TENM3: variants seen among roughly 807,000 people sequenced by gnomAD.
TENM3 encodes the protein teneurin-3.
In TENM3, 63 loss-of-function variants were observed where a neutral mutation model predicts 255.1. The ratio of observed to expected loss-of-function variants is 0.25; its 90% CI spans 0.20 to 0.30. The LOEUF is 0.30. Among genes scored for constraint, TENM3 ranks in the 10% least tolerant of loss-of-function variants. The pLI is 1.00. For missense variants in TENM3, 2,929 were observed against 3,461.1 expected (o/e 0.85, Z 3.86); for synonymous variants, 1,306 against 1,322.3 (o/e 0.99, Z 0.27).
the TENM3 span, among the ~76,000 whole-genome samples, chr4:181,544,425 A>C: frequency 6.1e-5 from 9 of 147,430 alleles, no homozygotes; most frequent in Middle Eastern, 3.5e-3. Flanking sequence ...AAAAAAAAAA[A>C]AAAAAAAAAA....
chr4:182,463,434 A>G (rs1732245890), intron 3 of TENM3, among the ~76,000 whole-genome samples: 1 of 151,906 alleles, frequency 6.6e-6, no homozygotes, highest in Non-Finnish European at 1.5e-5. Context: ...TCAGTAGGAA[A>G]GTGCAATGGG....
the TENM3 span, among the ~76,000 whole-genome samples, chr4:181,928,857 G>A: frequency 6.6e-6 from 1 of 152,164 alleles, no homozygotes; most frequent in Non-Finnish European, 1.5e-5. Flanking sequence ...CAAGCCAAAA[G>A]AGAGTGGGGG....
At chr4:182,436,632 G>C (rs1422018087) in intron 3 of TENM3, among the ~76,000 whole-genome samples, 1 of 152,192 alleles carries the variant, frequency 6.6e-6, no homozygotes, top group Non-Finnish European at 1.5e-5. Context: ...ATATGGCTGT[G>C]GTTAGATCCT....
At chr4:182,184,525 T>C (rs1467690310) in intron 1 of TENM3, among the ~76,000 whole-genome samples, 4 of 129,032 alleles carry the variant, frequency 3.1e-5, no homozygotes, top group Non-Finnish European at 6.6e-5. Flanking sequence ...AGAAAAGGAG[T>C]GGATTTCTTA....
the TENM3 span, among the ~76,000 whole-genome samples, chr4:181,625,003 G>A: frequency 1.3e-5 from 2 of 152,084 alleles, no homozygotes; most frequent in South Asian, 4.2e-4. Context: ...AAGAGTGAAA[G>A]CCGAAAGCCT....
the TENM3 span, among the ~76,000 whole-genome samples, chr4:181,647,031 G>T: frequency 2.6e-5 from 4 of 152,172 alleles, no homozygotes; most frequent in Non-Finnish European, 4.4e-5. Context: ...CCCCAAGAAT[G>T]TCTAAGCAGA....
At chr4:181,576,135 C>T in the TENM3 span, among the ~76,000 whole-genome samples, 41 of 152,250 alleles carry the variant, frequency 2.7e-4, no homozygotes, top group Middle Eastern at 3.4e-3. Flanking sequence ...CTCCACTGTC[C>T]ATCATTCCAC....
Position 182,650,258 on chromosome 4 carries a change from A to C in TENM3, c.989-3513A>C, listed in dbSNP as rs893946085. ...TATCACTCCTGGCTTGTACGTCTTC[A>C]CCTGAGACCCAGGGCAGTGAGGGAC... On this transcript the variant is annotated intron_variant, in intron 5 of 27. Transcript: ENST00000511685. 1.3e-5 allele frequency among the ~76,000 whole-genome samples: 2 copies of C among 149,946 alleles called. 1 individual carries two copies. The highest frequency in any genetic ancestry group is 3.0e-5 in the Non-Finnish European group (2 of 67,186).
At chr4:181,739,419 A>C in the TENM3 span, among the ~76,000 whole-genome samples, 1 of 152,172 alleles carries the variant, frequency 6.6e-6, no homozygotes, top group Non-Finnish European at 1.5e-5. Context: ...CTAAAGAACT[A>C]TACTTGCTTT....
chr4:181,706,094 C>T, the TENM3 span, among the ~76,000 whole-genome samples: 1 of 152,088 alleles, frequency 6.6e-6, no homozygotes, highest in Admixed American at 6.5e-5. Flanking sequence ...AGGGTGGGGT[C>T]CTTCTGAGAG....
At chr4:181,701,542 C>T in the TENM3 span, among the ~76,000 whole-genome samples, 2 of 151,328 alleles carry the variant, frequency 1.3e-5, no homozygotes, top group Non-Finnish European at 2.9e-5. Context: ...TTTCAGTTGC[C>T]TGGTTTGAAA....
At chr4:181,811,801 T>C in the TENM3 span, among the ~76,000 whole-genome samples, 1 of 152,154 alleles carries the variant, frequency 6.6e-6, no homozygotes, top group Non-Finnish European at 1.5e-5. Context: ...CCTTGACACT[T>C]GGGGATTATT....
chr4:182,349,608 A>G (rs1411706814), intron 3 of TENM3, among the ~76,000 whole-genome samples: 1 of 152,280 alleles, frequency 6.6e-6, no homozygotes, highest in South Asian at 2.1e-4. Context: ...GCAGTCATAC[A>G]TAGGTTCTTC....
chr4:182,008,805 G>A, the TENM3 span, among the ~76,000 whole-genome samples: 6 of 151,982 alleles, frequency 3.9e-5, no homozygotes. Context: ...GGGGCACTCT[G>A]GCCTTTTGGG....
chr4:181,663,138 A>G, the TENM3 span, among the ~76,000 whole-genome samples: 1 of 152,180 alleles, frequency 6.6e-6, no homozygotes, highest in South Asian at 2.1e-4. Context: ...AAAAATTATC[A>G]CTGGTCACTC....
At chr4:181,656,462 G>T in the TENM3 span, among the ~76,000 whole-genome samples, 36 of 152,282 alleles carry the variant, frequency 2.4e-4, no homozygotes, top group African/African-American at 7.2e-4. Context: ...AAGGAAGTGC[G>T]ATTTGGCGGT....
At chr4:181,992,003 C>T in the TENM3 span, among the ~76,000 whole-genome samples, 1 of 152,110 alleles carries the variant, frequency 6.6e-6, no homozygotes, top group African/African-American at 2.4e-5. Context: ...GACTGCTAAA[C>T]CTTTAAAAAA....
intron 1 of TENM3, among the ~76,000 whole-genome samples, chr4:182,188,259 G>T (rs1250332617): frequency 6.6e-6 from 1 of 152,042 alleles, no homozygotes; most frequent in African/African-American, 2.4e-5. Flanking sequence ...ATCACTAATT[G>T]TGACCTTAGT....
intron 3 of TENM3, among the ~76,000 whole-genome samples, chr4:182,384,788 CT>C (rs1185311965): frequency 2.0e-5 from 3 of 152,194 alleles, no homozygotes; most frequent in African/African-American, 4.8e-5. Context: ...TGAGTCTCCT[CT>C]TTTTTTGTCC....
Sources: gnomAD v4.1 joint callset for allele counts (sites outside exome capture counted in the v4.1 genomes callset) on GRCh38, gnomAD v4.1.1 for gene constraint, MANE v1.5 for transcripts, NCBI Gene and HGNC (gene_info 2026-07-23, HGNC 2026-07-21) for gene names.